Variants in TDRD3 observed in about 807,000 individuals in gnomAD.
The protein encoded by TDRD3 is tudor domain-containing protein 3.
TDRD3 carries 45 observed loss-of-function variants against 86.7 expected under a neutral mutation model. The observed-to-expected ratio is 0.52, with a 90% CI of 0.41 to 0.67. The LOEUF is 0.67. Among genes scored for constraint, TDRD3 ranks in the 30% least tolerant of loss-of-function variants. The pLI is 0.00. For missense variants in TDRD3, 814 were observed against 889.0 expected (o/e 0.92, Z 1.07); for synonymous variants, 298 against 301.7 (o/e 0.99, Z 0.13).
intron 10 of TDRD3, among the ~76,000 whole-genome samples, chr13:60,521,754 G>A (rs1026360424): frequency 2.1e-4 from 32 of 152,186 alleles, no homozygotes; most frequent in African/African-American, 7.0e-4. Flanking sequence ...AAAATTGGCC[G>A]GGCATGGCAG....
At chr13:60,546,532 CT>C (rs1172435540) in intron 12 of TDRD3, among the ~76,000 whole-genome samples, 1 of 152,046 alleles carries the variant, frequency 6.6e-6, no homozygotes, top group Non-Finnish European at 1.5e-5. Context: ...TGATGATACA[CT>C]TTCCTATTTA....
chr13:60,444,810 T>C, intron 3 of TDRD3, 62 bp downstream of exon 3: 1 of 983,900 alleles, frequency 1.0e-6, no homozygotes. Flanking sequence ...TGAACTAAAT[T>C]ACTGGAATTA....
At chr13:60,506,562 G>A (rs1053462372) in intron 8 of TDRD3, among the ~76,000 whole-genome samples, 2 of 152,126 alleles carry the variant, frequency 1.3e-5, no homozygotes, top group South Asian at 2.1e-4. Context: ...TTTGAGACCA[G>A]CCTGGCTAAC....
At chr13:60,411,324 C>T (rs1052011771) in intron 1 of TDRD3, among the ~76,000 whole-genome samples, 1 of 152,200 alleles carries the variant, frequency 6.6e-6, no homozygotes, top group African/African-American at 2.4e-5. Flanking sequence ...TGAGAATGGA[C>T]TTAATACTTA....
chr13:60,399,840 C>A (rs1490995825), intron 1 of TDRD3, among the ~76,000 whole-genome samples: 1 of 152,188 alleles, frequency 6.6e-6, no homozygotes, highest in Admixed American at 6.5e-5. Context: ...GAAAAGTTTA[C>A]AATTCTGAAA....
chr13:60,522,064 A>T (rs1957299114), intron 10 of TDRD3, among the ~76,000 whole-genome samples: 1 of 152,130 alleles, frequency 6.6e-6, no homozygotes, highest in Non-Finnish European at 1.5e-5. Context: ...AATATTTCTT[A>T]GCATTTTTAA....
intron 12 of TDRD3, among the ~76,000 whole-genome samples, chr13:60,562,390 A>C (rs949453563): frequency 6.6e-6 from 1 of 152,126 alleles, no homozygotes; most frequent in Non-Finnish European, 1.5e-5. Flanking sequence ...CTAATATAGA[A>C]GAATATTAGT....
chr13:60,445,535 C>T (rs1955377880), intron 3 of TDRD3, among the ~76,000 whole-genome samples: 1 of 152,166 alleles, frequency 6.6e-6, no homozygotes, highest in Admixed American at 6.6e-5. Flanking sequence ...CTATCTCAGA[C>T]TTCAGTGTGC....
At chr13:60,498,629 C>G (rs1956766803) in intron 8 of TDRD3, among the ~76,000 whole-genome samples, 1 of 152,094 alleles carries the variant, frequency 6.6e-6, no homozygotes. Context: ...AATTTTCAGC[C>G]AGTTTACAGA....
intron 12 of TDRD3, among the ~76,000 whole-genome samples, chr13:60,544,762 A>G (rs1259028054): frequency 7.2e-5 from 11 of 152,168 alleles, no homozygotes; most frequent in African/African-American, 1.4e-4. Flanking sequence ...ATGAGCTGTG[A>G]TACTCCATAT....
At chr13:60,501,285 G>C (rs1473615951) in intron 8 of TDRD3, among the ~76,000 whole-genome samples, 1 of 152,166 alleles carries the variant, frequency 6.6e-6, no homozygotes, top group Non-Finnish European at 1.5e-5. Context: ...GGGAACAACA[G>C]CTAGGGCTCC....
chr13:60,404,472 G>A (rs1447703161), intron 1 of TDRD3, among the ~76,000 whole-genome samples: 53 of 150,532 alleles, frequency 3.5e-4, no homozygotes, highest in African/African-American at 1.1e-3. Flanking sequence ...CACTACGCCC[G>A]GCTAATTTTT....
intron 10 of TDRD3, among the ~76,000 whole-genome samples, chr13:60,524,790 C>T (rs903083244): frequency 4.0e-5 from 6 of 151,818 alleles, no homozygotes; most frequent in African/African-American, 1.5e-4. Context: ...TATATGAAAA[C>T]TAACTTCTTT....
At chr13:60,397,595 C>G (rs1031208579) in intron 1 of TDRD3, among the ~76,000 whole-genome samples, 190 bp downstream of exon 1, 5 of 148,708 alleles carry the variant, frequency 3.4e-5, no homozygotes, top group African/African-American at 1.2e-4. Flanking sequence ...CCCTAGGTCC[C>G]CTGGAGGCGG....
chr13:60,547,017 T>C (rs1169010644), intron 12 of TDRD3, among the ~76,000 whole-genome samples: 1 of 152,144 alleles, frequency 6.6e-6, no homozygotes, highest in Non-Finnish European at 1.5e-5. Context: ...TAGAACTTAA[T>C]AAAATGTCTA....
intron 1 of TDRD3, among the ~76,000 whole-genome samples, chr13:60,399,786 A>G (rs1442345905): frequency 2.0e-5 from 3 of 152,248 alleles, no homozygotes; most frequent in South Asian, 2.1e-4. Context: ...AATCTGTTCT[A>G]TAGGCTTCAC....
At chr13:60,480,046 C>G (rs1297282065) in intron 5 of TDRD3, among the ~76,000 whole-genome samples, 2 of 152,034 alleles carry the variant, frequency 1.3e-5, no homozygotes, top group African/African-American at 4.8e-5. Context: ...CATCATATTG[C>G]TAGGTGGTTG....
At chr13:60,523,638 G>T (rs1285019812) in intron 10 of TDRD3, among the ~76,000 whole-genome samples, 3 of 144,362 alleles carry the variant, frequency 2.1e-5, no homozygotes, top group Admixed American at 7.1e-5. Context: ...ATGCAGAGGT[G>T]CCATCTTCCC....
chr13:60,514,287 C>G (rs1185288126), intron 10 of TDRD3, among the ~76,000 whole-genome samples: 2 of 152,166 alleles, frequency 1.3e-5, no homozygotes, highest in Non-Finnish European at 2.9e-5. Flanking sequence ...GCAAAGCATT[C>G]AAGATGTGAC....
Sources: gnomAD v4.1 joint callset for allele counts (sites outside exome capture counted in the v4.1 genomes callset) on GRCh38, gnomAD v4.1.1 for gene constraint, MANE v1.5 for transcripts, NCBI Gene and HGNC (gene_info 2026-07-23, HGNC 2026-07-21) for gene names.